CUL1: variants seen among roughly 807,000 people sequenced by gnomAD.
The protein encoded by CUL1 is cullin-1.
In CUL1, 24 loss-of-function variants were observed where a neutral mutation model predicts 118.0. The observed-to-expected ratio is 0.20, with a 90% CI of 0.15 to 0.29. The LOEUF (loss-of-function observed/expected upper bound fraction) is 0.29. Among genes scored for constraint, CUL1 ranks in the 10% least tolerant of loss-of-function variants. The pLI is 1.00. For missense variants in CUL1, 361 were observed against 933.8 expected (o/e 0.39, Z 7.99); for synonymous variants, 332 against 340.4 (o/e 0.98, Z 0.27).
intron 2 of CUL1, among the ~76,000 whole-genome samples, chr7:148,747,809 G>A (rs142389119): frequency 6.6e-6 from 1 of 152,286 alleles, no homozygotes; most frequent in East Asian, 1.9e-4. Flanking sequence ...AACCAAAAGA[G>A]AATCACTTAA....
In CUL1 at chr7:148,783,714, T is replaced by C. The variant is rs186249571; in HGVS notation, c.1084-69T>C. 1.4e-5 allele frequency: 23 copies of C among 1,587,214 alleles called. No individual in the cohort carries two copies. In the African/African-American group the frequency reaches 3.1e-4, roughly 21 times the overall value. ...AATATTTTGTATGCTAGTACATGCA[T>C]TGTATACCTTAATACACAATTTAAT... is the stretch of plus-strand genomic sequence containing the variant. On this transcript the variant is annotated intron_variant, in intron 9 of 21. Coordinates refer to ENST00000325222, the MANE Select transcript of CUL1 (RefSeq NM_003592.3).
At chr7:148,701,093 G>C (rs1168190323) in intron 1 of CUL1, among the ~76,000 whole-genome samples, 2 of 151,974 alleles carry the variant, frequency 1.3e-5, no homozygotes, top group Non-Finnish European at 2.9e-5. Context: ...TTCCTTATTT[G>C]TTTTTGCGTC....
At chr7:148,762,705 G>A (rs942374174) in intron 7 of CUL1, among the ~76,000 whole-genome samples, 10 of 152,142 alleles carry the variant, frequency 6.6e-5, no homozygotes, top group African/African-American at 2.4e-4. Flanking sequence ...CGACAGTGGC[G>A]CGAGCCTGTT....
intron 3 of CUL1, among the ~76,000 whole-genome samples, chr7:148,756,072 C>T (rs1799646275): frequency 6.6e-6 from 1 of 152,048 alleles, no homozygotes. Flanking sequence ...GCCATTAATC[C>T]CTAAGAAAAA....
At position 148,746,557 on chromosome 7, in the gene CUL1, T is replaced by C. The variant is rs532407671; in HGVS notation, c.141-7419T>C. ...AAGGAGTGCTAACATACTTAGTGGC[T>C]CGGAGGACAACGTTATGTGGAAAAA... On this transcript the variant is annotated intron_variant, in intron 2 of 21. Coordinates refer to ENST00000325222, the MANE Select transcript of CUL1 (RefSeq NM_003592.3). Among the ~76,000 whole-genome samples, 216 of 152,320 alleles carry C rather than the reference T, an allele frequency of 1.4e-3. 2 individuals carry two copies. The highest frequency in any genetic ancestry group is 0.01 in the Middle Eastern group (3 of 294).
At chr7:148,763,544 T>G (rs1390939696) in intron 7 of CUL1, among the ~76,000 whole-genome samples, 3 of 152,232 alleles carry the variant, frequency 2.0e-5, no homozygotes, top group Non-Finnish European at 4.4e-5. Context: ...CTCAAATTCC[T>G]TATCTGTAAA....
intron 7 of CUL1, among the ~76,000 whole-genome samples, chr7:148,762,882 C>G (rs919384843): frequency 6.6e-6 from 1 of 152,232 alleles, no homozygotes; most frequent in African/African-American, 2.4e-5. Flanking sequence ...CGCGGTGGCT[C>G]ACGCCTGTGA....
At chr7:148,707,104 G>T (rs1797909166) in intron 1 of CUL1, among the ~76,000 whole-genome samples, 1 of 152,136 alleles carries the variant, frequency 6.6e-6, no homozygotes, top group African/African-American at 2.4e-5. Flanking sequence ...TTTGAAGGAA[G>T]AAAACTCCCC....
intron 16 of CUL1, 56 bp from the exon 17 acceptor site, chr7:148,792,670 G>T: frequency 8.2e-7 from 1 of 1,225,638 alleles, no homozygotes. Context: ...ATTTTGGGAG[G>T]TGTTTCCATG....
intron 1 of CUL1, among the ~76,000 whole-genome samples, chr7:148,725,695 C>A (rs938896409): frequency 6.6e-6 from 1 of 152,214 alleles, no homozygotes; most frequent in African/African-American, 2.4e-5. Flanking sequence ...TGTGTGTGAC[C>A]TATCTGTCCT....
At chr7:148,792,053 G>A (rs1801029430) in intron 16 of CUL1, among the ~76,000 whole-genome samples, 1 of 152,118 alleles carries the variant, frequency 6.6e-6, no homozygotes, top group Admixed American at 6.5e-5. Context: ...GGGTGTGGTG[G>A]TGCACGCCTA....
intron 1 of CUL1, among the ~76,000 whole-genome samples, chr7:148,706,615 G>T (rs935285580): frequency 7.5e-6 from 1 of 133,126 alleles, no homozygotes; most frequent in Non-Finnish European, 1.5e-5. Context: ...CTTCAGTAGT[G>T]CCTTTGTTAC....
chr7:148,706,287 T>A (rs1797880105), intron 1 of CUL1, among the ~76,000 whole-genome samples: 1 of 152,216 alleles, frequency 6.6e-6, no homozygotes, highest in Admixed American at 6.5e-5. Flanking sequence ...GTGCTTGGTA[T>A]GAGCCAAAGA....
intron 2 of CUL1, among the ~76,000 whole-genome samples, chr7:148,745,210 A>G (rs1404642811): frequency 6.6e-6 from 1 of 151,686 alleles, no homozygotes; most frequent in Non-Finnish European, 1.5e-5. Context: ...GTTCTTTTTC[A>G]TGGTTTCTGT....
At chr7:148,701,952 T>A (rs1300701928) in intron 1 of CUL1, among the ~76,000 whole-genome samples, 1 of 152,206 alleles carries the variant, frequency 6.6e-6, no homozygotes, top group Non-Finnish European at 1.5e-5. Flanking sequence ...TTTGAACTTG[T>A]CTTTTAGGTA....
At chr7:148,792,895 G>A (rs1188364903) in intron 17 of CUL1, 77 bp downstream of exon 17, 2 of 1,052,912 alleles carry the variant, frequency 1.9e-6, no homozygotes, top group Non-Finnish European at 2.9e-6. Context: ...GAAAGATAAG[G>A]AAGAGGATAT....
chr7:148,716,313 G>A (rs932329715), intron 1 of CUL1, among the ~76,000 whole-genome samples: 1 of 152,126 alleles, frequency 6.6e-6, no homozygotes, highest in African/African-American at 2.4e-5. Flanking sequence ...AGGTGTTGAT[G>A]AGCATAAATG....
At chr7:148,760,738 AT>A (rs933106097) in intron 7 of CUL1, among the ~76,000 whole-genome samples, 14 of 152,102 alleles carry the variant, frequency 9.2e-5, no homozygotes, top group African/African-American at 2.4e-4. Flanking sequence ...AGCTACATGA[AT>A]TTTTTTTAAC....
chr7:148,751,148 ATAAAGT>A (rs1438768803), intron 2 of CUL1, among the ~76,000 whole-genome samples: 2 of 152,136 alleles, frequency 1.3e-5, no homozygotes, highest in Non-Finnish European at 2.9e-5. Flanking sequence ...GCAACTCTTA[ATAAAGT>A]TAAACCCACC....
Sources: allele counts gnomAD v4.1 joint callset (sites outside exome capture counted in the v4.1 genomes callset), GRCh38; gene constraint gnomAD v4.1.1; transcripts MANE v1.5; gene names NCBI Gene and HGNC (gene_info 2026-07-23, HGNC 2026-07-21).